Variants in PPFIA3 observed in about 807,000 individuals in gnomAD.
PPFIA3 encodes the protein liprin-alpha-3.
Under a neutral mutation model 145.8 loss-of-function variants are expected in PPFIA3, and 26 were observed. That is an observed-to-expected ratio of 0.18 (90% CI 0.13 to 0.25). PPFIA3 has a LOEUF of 0.25. PPFIA3 is among the 10% of genes least tolerant of loss of function. PPFIA3 has a pLI of 1.00. For missense variants in PPFIA3, 1,008 were observed against 1,587.8 expected, an observed-to-expected ratio of 0.63 and a Z score of 6.21; for synonymous variants, 645 against 661.4, an observed-to-expected ratio of 0.98 and a Z score of 0.38.
At position 49,120,461 on chromosome 19, in the gene PPFIA3, A is replaced by G. The variant is rs1410132718; in HGVS notation, c.-16+739A>G. Reference sequence around the variant, plus strand: ...TCCTATTCTGGTCGCCGTGGGGACCATGGCACCCGGGGATGCAGCTCCCAC... The same window carrying G: ...TCCTATTCTGGTCGCCGTGGGGACCGTGGCACCCGGGGATGCAGCTCCCAC... On this transcript the variant is annotated intron_variant, in intron 1 of 29. Transcript: ENST00000334186. This position sits in a 1 kb window ranked among gnomAD's most constrained non-coding sequence, Gnocchi z 4.6. Among the ~76,000 whole-genome samples, 1 of 152,072 alleles carries G rather than the reference A, an allele frequency of 6.6e-6. No homozygotes were observed. The highest frequency in any genetic ancestry group is 1.5e-5 in the Non-Finnish European group (1 of 67,982).
chr19:49,122,714 G>GGTTTTTTTTTTTTTTTTTT (rs1555741934), intron 1 of PPFIA3, among the ~76,000 whole-genome samples: 1 of 114,876 alleles, frequency 8.7e-6, no homozygotes, highest in Admixed American at 9.5e-5. Flanking sequence ...TTGTTTAGTT[G>GGTTTTTTTTTTTTTTTTTT]TTTTTTTTTT....
At chr19:49,138,801 C>G (rs906705080) in intron 16 of PPFIA3, among the ~76,000 whole-genome samples, 4 of 152,008 alleles carry the variant, frequency 2.6e-5, no homozygotes, top group African/African-American at 9.7e-5. Context: ...GAAACCCCCA[C>G]CTCTACTAAA....
chr19:49,144,402 T>C (rs2041257790), intron 21 of PPFIA3, among the ~76,000 whole-genome samples: 3 of 152,190 alleles, frequency 2.0e-5, no homozygotes, highest in Admixed American at 2.0e-4. Context: ...GATTTTCCTC[T>C]TGTGGCTTCG....
chr19:49,135,835 C>T lies in PPFIA3; in HGVS notation c.1577C>T (p.Ser526Phe). ...LRYSQAPTLP[S>F]GAHLDPYVAG... is the part of the protein sequence containing the mutation. The stretch of plus-strand genomic sequence containing the variant: ...TACTCTCAGGCACCCACTTTACCTT[C>T]TGGTGCCCACCTGGATCCCTATGTG... Residue 526 changes from serine to phenylalanine, a missense_variant, in exon 14 of 30, where the codon TCT (serine) becomes TTT (phenylalanine). Physicochemically the swap from Ser to Phe is radical, Grantham distance 155 (BLOSUM62 -2). Coordinates refer to ENST00000334186, the MANE Select transcript of PPFIA3 (RefSeq NM_003660.4). 1.2e-6 allele frequency: 2 copies of T among 1,614,002 alleles called. No individual in the cohort carries two copies. Among genetic ancestry groups the T allele is most frequent in the South Asian group, 1.1e-5 (1 of 91,072 alleles).
Position 49,120,068 on chromosome 19 carries a change from G to A in PPFIA3, c.-16+346G>A, listed in dbSNP as rs2040916430. Among the ~76,000 whole-genome samples, 1 of 152,026 alleles carries A rather than the reference G, an allele frequency of 6.6e-6. No individual in the cohort carries two copies. ...CGCGGCGGTGCCAGACTCCCCAGAC[G>A]CGTCCGCATCGTCCCCGCTTCGCGC... On this transcript the variant is annotated intron_variant, in intron 1 of 29. Transcript: ENST00000334186. This position sits in a 1 kb window ranked among gnomAD's most constrained non-coding sequence, Gnocchi z 4.6.
chr19:49,139,733 C>G lies in PPFIA3; in HGVS notation c.2142C>G (p.Thr714=). 1 of 1,613,808 alleles carries G rather than the reference C, an allele frequency of 6.2e-7. No individual in the cohort carries two copies. The change falls in exon 17 of 30, where the codon ACC becomes ACG. Residue 714 remains threonine (T), a synonymous_variant. Transcript: ENST00000334186. ...AGGGGCCGGCCATCCCAGGAGACAC[C>G]CCACCACCCACTCCCCGCTCTGCCC... is the stretch of plus-strand genomic sequence containing the variant. The part of the protein sequence containing the change: ...RGEGPAIPGD[T]PPPTPRSARL...
chr19:49,134,997 C>A, intron 13 of PPFIA3, 82 bp downstream of exon 13: 1 of 1,213,060 alleles, frequency 8.2e-7, no homozygotes, highest in Non-Finnish European at 1.1e-6. Context: ...ATCCCCACTT[C>A]CTGTCCTCCT....
chr19:49,134,762 C>G, intron 12 of PPFIA3, 61 bp downstream of exon 12: 3 of 1,611,492 alleles, frequency 1.9e-6, no homozygotes, highest in Non-Finnish European at 2.5e-6. Context: ...AGGCTAGGGT[C>G]TGCAAGTCTG....
At chr19:49,148,594 G>T in intron 24 of PPFIA3, 72 bp from the exon 25 acceptor site, 1 of 1,220,576 alleles carries the variant, frequency 8.2e-7, no homozygotes, top group Non-Finnish European at 1.2e-6. Context: ...AGCCAGTGGG[G>T]AGGGACCCGT....
Position 49,149,622 on chromosome 19 carries a change from C to A in PPFIA3, c.3430C>A (p.Pro1144Thr). The change falls in exon 28 of 30, where the codon CCC becomes ACC. Residue 1144 changes from proline to threonine, a missense_variant. By Grantham distance (38) the Pro-to-Thr change is conservative. Around this residue, in one of 11 missense-constraint regions of PPFIA3, gnomAD observed 125 missense variants for 159.3 expected, o/e 0.78. Coordinates refer to ENST00000334186, the MANE Select transcript of PPFIA3 (RefSeq NM_003660.4). This position sits in a 1 kb window ranked among gnomAD's most constrained non-coding sequence, Gnocchi z 5.7. ...GGAGAAGGACCTCCGAGGCGTAACT[C>A]CCGACTCAGCTGAGATGTTGCCCCC... ...FREKDLRGVTPDSAEMLPPNF... is the reference protein window; with the variant it reads ...FREKDLRGVTTDSAEMLPPNF... The A allele has an allele frequency of 6.2e-7, 1 of 1,614,220 alleles. No homozygotes were observed. The highest frequency in any genetic ancestry group is 8.5e-7 in the Non-Finnish European group (1 of 1,180,036).
At chr19:49,140,167 C>A in intron 18 of PPFIA3, 79 bp downstream of exon 18, 1 of 1,471,228 alleles carries the variant, frequency 6.8e-7, no homozygotes, top group South Asian at 1.2e-5. Context: ...TTTGTATGTT[C>A]ATTTGACATC....
chr19:49,140,091 GAGT>G lies in PPFIA3; in HGVS notation c.2368+5_2368+7del, dbSNP rs1163132500. On this transcript the variant is annotated splice_donor_5th_base_variant and intron_variant, in intron 18 of 29. Coordinates refer to ENST00000334186, the MANE Select transcript of PPFIA3 (RefSeq NM_003660.4). The stretch of plus-strand genomic sequence containing the variant: ...AGGCCGGGACAGCTCTTCTCTGGGT[GAGT>G]ACCTCACTCTAACCCTTCCCTCCTT... The G allele has an allele frequency of 6.2e-7, 1 of 1,613,800 alleles. No homozygotes were observed.
chr19:49,127,780 G>T, intron 1 of PPFIA3, 79 bp from the exon 2 acceptor site: 1 of 1,517,946 alleles, frequency 6.6e-7, no homozygotes, highest in Non-Finnish European at 8.8e-7. Context: ...CCCCTACGTG[G>T]TATCCGAGTG....
In PPFIA3 at chr19:49,149,476, TGGAGTCAAAGGAAGGGGC is replaced by T; in HGVS notation, c.3355-63_3355-46del. ...AGGAGAGGTGAGACCCGGAGAGGGGTGGAGTCAAAGGAAGGGGCGGAGTCAGACAAGGCAGGAGTCCCT... is the reference window on the plus strand; with the variant it reads ...AGGAGAGGTGAGACCCGGAGAGGGGTGGAGTCAGACAAGGCAGGAGTCCCT... On this transcript the variant is annotated intron_variant, in intron 27 of 29. Coordinates refer to ENST00000334186, the MANE Select transcript of PPFIA3 (RefSeq NM_003660.4). The surrounding 1 kb of genome is among the most constrained non-coding windows in gnomAD (Gnocchi z 5.7). 1 of 1,590,964 alleles carries T rather than the reference TGGAGTCAAAGGAAGGGGC, an allele frequency of 6.3e-7. No homozygotes were observed.
chr19:49,128,355 A>G lies in PPFIA3; in HGVS notation c.241-12A>G. On this transcript the variant is annotated splice_polypyrimidine_tract_variant and intron_variant, in intron 2 of 29. Coordinates refer to ENST00000334186, the MANE Select transcript of PPFIA3 (RefSeq NM_003660.4). This position sits in a 1 kb window ranked among gnomAD's most constrained non-coding sequence, Gnocchi z 4.1. ...TGAGCCGAATGTCCAGATCCTGCCAATGTCTGGACAGGAGTTTGCAGCTCT... is the reference window on the plus strand; with the variant it reads ...TGAGCCGAATGTCCAGATCCTGCCAGTGTCTGGACAGGAGTTTGCAGCTCT... The G allele has an allele frequency of 6.2e-7, 1 of 1,612,750 alleles. No homozygotes were observed. Among genetic ancestry groups the G allele is most frequent in the Non-Finnish European group, 8.5e-7 (1 of 1,178,808 alleles).
chr19:49,148,783 C>T lies in PPFIA3; in HGVS notation c.3109+20C>T. On this transcript the variant is annotated intron_variant, in intron 25 of 29. Coordinates refer to ENST00000334186, the MANE Select transcript of PPFIA3 (RefSeq NM_003660.4). The stretch of plus-strand genomic sequence containing the variant: ...TCCGAGGTGAGTAGAGCCTAAGGGT[C>T]CCTTTGGGAGCCAGGTGGAGGGCGT... 1.9e-6 allele frequency: 3 copies of T among 1,602,954 alleles called. No homozygotes were observed. The highest frequency in any genetic ancestry group is 1.7e-5 in the Admixed American group (1 of 59,952).
intron 5 of PPFIA3, 88 bp downstream of exon 5, chr19:49,129,542 A>G: frequency 7.2e-7 from 1 of 1,390,226 alleles, no homozygotes; most frequent in Non-Finnish European, 9.9e-7. Flanking sequence ...GGTGGGTTCC[A>G]GAGAGAATCT....
intron 16 of PPFIA3, among the ~76,000 whole-genome samples, 164 bp from the exon 17 acceptor site, chr19:49,139,504 A>T (rs1006467242): frequency 6.6e-6 from 1 of 151,854 alleles, no homozygotes; most frequent in African/African-American, 2.4e-5. Context: ...AAAAAAAAAA[A>T]AAAAAGTTTC....
At chr19:49,137,830 G>A (rs1236589234) in intron 15 of PPFIA3, among the ~76,000 whole-genome samples, 1 of 151,848 alleles carries the variant, frequency 6.6e-6, no homozygotes, top group Non-Finnish European at 1.5e-5. Flanking sequence ...ATCCTAGATT[G>A]GCCTGAGTCC....
Sources: gnomAD v4.1 joint callset for allele counts (sites outside exome capture counted in the v4.1 genomes callset) on GRCh38, gnomAD v4.1.1 for gene constraint, gnomAD v4.1.1 regional missense constraint, Gnocchi (gnomAD v3.1) non-coding constraint, MANE v1.5 for transcripts, NCBI Gene and HGNC (gene_info 2026-07-23, HGNC 2026-07-21) for gene names.